MARCHF3: variants seen among roughly 807,000 people sequenced by gnomAD.
MARCHF3 encodes the protein membrane associated ring-CH-type finger 3.
MARCHF3 carries 13 observed loss-of-function variants against 24.2 expected under a neutral mutation model. The observed-to-expected ratio is 0.54, with a 90% CI of 0.35 to 0.85. The LOEUF is 0.85. MARCHF3 is among the 40% of genes least tolerant of loss of function. The pLI is 0.01. For synonymous variants in MARCHF3, 144 were observed against 137.3 expected (o/e 1.05, Z -0.34); for missense variants, 276 against 325.0 (o/e 0.85, Z 1.16).
chr5:126,993,427 C>T (rs916620131), intron 1 of MARCHF3, among the ~76,000 whole-genome samples: 1 of 152,112 alleles, frequency 6.6e-6, no homozygotes, highest in African/African-American at 2.4e-5. Context: ...GATACTACTC[C>T]TTTCTTCCAC....
chr5:126,982,789 G>A (rs1453963326), intron 1 of MARCHF3, among the ~76,000 whole-genome samples: 2 of 152,236 alleles, frequency 1.3e-5, no homozygotes, highest in Non-Finnish European at 2.9e-5. Context: ...CAAATGTGAA[G>A]TACAAAGTAG....
intron 1 of MARCHF3, among the ~76,000 whole-genome samples, chr5:127,003,478 G>A (rs1752206097): frequency 6.7e-6 from 1 of 149,804 alleles, no homozygotes; most frequent in African/African-American, 2.5e-5. Flanking sequence ...AAAGGCCGGC[G>A]CGGTGGCTCA....
At chr5:126,935,364 T>C (rs1178087767) in intron 1 of MARCHF3, among the ~76,000 whole-genome samples, 1 of 152,138 alleles carries the variant, frequency 6.6e-6, no homozygotes, top group Non-Finnish European at 1.5e-5. Flanking sequence ...CCTGCCTGAC[T>C]GCCTTTCAGC....
intron 1 of MARCHF3, among the ~76,000 whole-genome samples, chr5:127,003,021 G>A (rs2126851750): frequency 6.6e-6 from 1 of 152,182 alleles, no homozygotes; most frequent in South Asian, 2.1e-4. Context: ...AGTGGACTAA[G>A]CAACTGGGGG....
intron 3 of MARCHF3, among the ~76,000 whole-genome samples, chr5:126,913,639 G>A (rs1439502409): frequency 1.4e-4 from 21 of 152,354 alleles, no homozygotes; most frequent in Admixed American, 1.3e-3. Context: ...GGCAAGTCAA[G>A]TAAGTTTTGT....
intron 1 of MARCHF3, among the ~76,000 whole-genome samples, chr5:127,007,784 T>C (rs1434198943): frequency 6.6e-6 from 1 of 152,210 alleles, no homozygotes; most frequent in Non-Finnish European, 1.5e-5. Flanking sequence ...ATTCTACTTT[T>C]GTCAGAATTC....
chr5:126,964,888 C>T (rs1316371881), intron 1 of MARCHF3, among the ~76,000 whole-genome samples: 2 of 152,254 alleles, frequency 1.3e-5, no homozygotes, highest in East Asian at 3.9e-4. Flanking sequence ...AGAAGAATCA[C>T]ATTCCTCCCT....
At chr5:126,980,117 C>G (rs778669291) in intron 1 of MARCHF3, among the ~76,000 whole-genome samples, 5 of 152,070 alleles carry the variant, frequency 3.3e-5, no homozygotes, top group Non-Finnish European at 7.4e-5. Flanking sequence ...ATAAGGAAAG[C>G]AAAATCTTTC....
At position 126,918,797 on chromosome 5, in the gene MARCHF3, G is replaced by A. The variant is rs150280125; in HGVS notation, c.-56-570C>T. On this transcript the variant is annotated intron_variant, in intron 1 of 4. Transcript: ENST00000308660. Reference sequence around the variant, plus strand: ...TCACTCAATGACTGTACCACCTTTCGACTTTTGCCATATCTGTTGCATAAT... The same window carrying A: ...TCACTCAATGACTGTACCACCTTTCAACTTTTGCCATATCTGTTGCATAAT... Among the ~76,000 whole-genome samples, 158 of 152,244 alleles carry A rather than the reference G, an allele frequency of 1.0e-3. 2 individuals are homozygous for A. In the East Asian group the frequency reaches 0.029, roughly 28 times the overall value.
At chr5:126,876,148 T>A (rs1163785156) in intron 4 of MARCHF3, among the ~76,000 whole-genome samples, 1 of 152,218 alleles carries the variant, frequency 6.6e-6, no homozygotes, top group Non-Finnish European at 1.5e-5. Flanking sequence ...TTTCTTGAGA[T>A]AACCTTTCTT....
intron 1 of MARCHF3, among the ~76,000 whole-genome samples, chr5:126,954,257 G>T (rs1385419537): frequency 3.5e-5 from 5 of 144,548 alleles, no homozygotes; most frequent in African/African-American, 1.3e-4. Flanking sequence ...CACCGTGTTA[G>T]CCAGGATGGT....
intron 3 of MARCHF3, among the ~76,000 whole-genome samples, chr5:126,888,616 G>A (rs2126773673): frequency 6.6e-6 from 1 of 152,318 alleles, no homozygotes; most frequent in East Asian, 1.9e-4. Flanking sequence ...TCAGAATTAT[G>A]TGGCATATCT....
At chr5:126,879,386 C>T (rs946065011) in intron 3 of MARCHF3, among the ~76,000 whole-genome samples, 1 of 152,138 alleles carries the variant, frequency 6.6e-6, no homozygotes, top group African/African-American at 2.4e-5. Flanking sequence ...GAATAATACT[C>T]ACCTGACCCC....
intron 3 of MARCHF3, among the ~76,000 whole-genome samples, chr5:126,901,696 G>C (rs571471437): frequency 1.3e-5 from 2 of 152,206 alleles, no homozygotes; most frequent in South Asian, 4.1e-4. Flanking sequence ...AGCAGGGAGC[G>C]TTATGCATAT....
In MARCHF3 at chr5:126,870,153, C is replaced by T. The variant is rs1752916075; in HGVS notation, c.*480G>A. 1 of 152,560 alleles carries T rather than the reference C, an allele frequency of 6.6e-6. No individual in the cohort carries two copies. Among genetic ancestry groups the T allele is most frequent in the African/African-American group, 2.4e-5 (1 of 41,368 alleles). 9.5% of individuals were successfully genotyped at this position (152,560 alleles called of 1,614,324 possible). On this transcript the variant is annotated 3_prime_UTR_variant, in exon 5 of 5. Transcript: ENST00000308660. ...AGACCACTCAGGCTACCAAAGTACC[C>T]CAAAGAATCCATACGAGAAACTGAG...
intron 3 of MARCHF3, among the ~76,000 whole-genome samples, chr5:126,880,855 CAT>C (rs1753319139): frequency 6.6e-6 from 1 of 152,192 alleles, no homozygotes. Flanking sequence ...GCCCTGAACA[CAT>C]ATGCTACCGA....
At chr5:126,890,202 A>C (rs1580604880) in intron 3 of MARCHF3, among the ~76,000 whole-genome samples, 1 of 151,026 alleles carries the variant, frequency 6.6e-6, no homozygotes, top group Non-Finnish European at 1.5e-5. Context: ...ATTATGTTTA[A>C]TGTTTGTAGA....
At chr5:127,015,618 T>C (rs947960951) in intron 1 of MARCHF3, among the ~76,000 whole-genome samples, 3 of 152,186 alleles carry the variant, frequency 2.0e-5, no homozygotes, top group African/African-American at 7.2e-5. Flanking sequence ...TGTCAACCCC[T>C]TCCAAACTAA....
chr5:126,917,308 A>G (rs529726278), intron 2 of MARCHF3, among the ~76,000 whole-genome samples: 43 of 152,310 alleles, frequency 2.8e-4, no homozygotes, highest in South Asian at 6.2e-4. Context: ...ACAAGAGGAG[A>G]CAAAGTGCTG....
Sources: allele counts gnomAD v4.1 joint callset (sites outside exome capture counted in the v4.1 genomes callset), GRCh38; gene constraint gnomAD v4.1.1; transcripts MANE v1.5; gene names NCBI Gene and HGNC (gene_info 2026-07-23, HGNC 2026-07-21).